The following MLC1 variants were observed in gnomAD, a reference collection of about 807,000 sequenced individuals.
The protein encoded by MLC1 is membrane protein MLC1.
Under a neutral mutation model 44.7 loss-of-function variants are expected in MLC1, and 32 were observed. That is an observed-to-expected ratio of 0.72 (90% CI 0.54 to 0.96). The LOEUF (loss-of-function observed/expected upper bound fraction) is 0.96. MLC1 is among the 40% of genes least tolerant of loss of function. The pLI is 0.00. For synonymous variants in MLC1, 190 were observed against 213.0 expected, an observed-to-expected ratio of 0.89 and a Z score of 0.94; for missense variants, 459 against 492.2, an observed-to-expected ratio of 0.93 and a Z score of 0.64.
chr22:50,068,626 G>A, intron 9 of MLC1, 71 bp from the exon 10 acceptor site: 4 of 1,506,088 alleles, frequency 2.7e-6, no homozygotes, highest in Non-Finnish European at 3.7e-6. Flanking sequence ...CGTGGCCAGG[G>A]CTGGGGGGGC....
At chr22:50,073,130 C>T (rs1053628684) in intron 8 of MLC1, among the ~76,000 whole-genome samples, 5 of 152,104 alleles carry the variant, frequency 3.3e-5, no homozygotes, top group Non-Finnish European at 7.4e-5. Flanking sequence ...TCTCGGCAGT[C>T]CACCTGGCCA....
intron 7 of MLC1, among the ~76,000 whole-genome samples, chr22:50,075,330 G>A (rs945933105): frequency 8.5e-5 from 13 of 152,244 alleles, no homozygotes; most frequent in African/African-American, 3.1e-4. Flanking sequence ...GGCATAAGGA[G>A]TGGGCCAGCA....
In MLC1 at chr22:50,061,386, T is replaced by G; in HGVS notation, c.*197A>C. On this transcript the variant is annotated 3_prime_UTR_variant, in exon 12 of 12. Transcript: ENST00000311597. ...GCCACTCGGAGCTGACTGATCTCAC[T>G]GAGGCACAGACTAGCCAACATTGGC... is the stretch of plus-strand genomic sequence containing the variant. 1.6e-6 allele frequency: 1 copy of G among 633,982 alleles called. No homozygotes were observed. The highest frequency in any genetic ancestry group is 1.8e-5 in the South Asian group (1 of 56,622). The allele number at this position is 633,982 out of a possible 1,614,324, so 39.3% of individuals were successfully genotyped here.
upstream of MLC1, chr22:50,085,663 G>C (rs2146949298): frequency 6.5e-6 from 1 of 152,862 alleles, no homozygotes; most frequent in South Asian, 2.1e-4. Flanking sequence ...ATCCCACCAA[G>C]TACACATTCT....
chr22:50,080,461 T>C, intron 3 of MLC1, 64 bp from the exon 4 acceptor site: 2 of 1,492,954 alleles, frequency 1.3e-6, no homozygotes, highest in Non-Finnish European at 1.8e-6. Flanking sequence ...TCTGAAATAC[T>C]CTAACATTTG....
rs2061558926 is a variant in MLC1 at position 50,061,576 on chromosome 22, C to T, written c.*7G>A. The T allele has an allele frequency of 6.2e-7, 1 of 1,613,438 alleles. No individual in the cohort carries two copies. The highest frequency in any genetic ancestry group is 1.1e-5 in the South Asian group (1 of 91,076). On this transcript the variant is annotated 3_prime_UTR_variant, in exon 12 of 12. Transcript: ENST00000311597. ...GGGCGCTGCCACCCGGTTTCCGCGT[C>T]TGGGGGTCACTGGGCCATTTGCACC...
Position 50,070,601 on chromosome 22 carries a change from G to A in MLC1, c.715-18C>T, listed in dbSNP as rs1195929650. 8 of 1,554,880 alleles carry A rather than the reference G, an allele frequency of 5.1e-6. No individual in the cohort carries two copies. In the East Asian group the frequency reaches 1.4e-4, roughly 28 times the overall value. On this transcript the variant is annotated intron_variant, in intron 8 of 11. Transcript: ENST00000311597. ...GGAAAGCACTAAGAGAAAAGAAAAA[G>A]GAAAGATTTTAGAGGAAATAGTCGA...
chr22:50,074,186 G>A (rs371640846), intron 8 of MLC1, 30 bp downstream of exon 8: 46 of 1,560,006 alleles, frequency 2.9e-5, no homozygotes, highest in Middle Eastern at 1.7e-4. Flanking sequence ...GGCCCAGAGC[G>A]GCGGCGGGCG....
At chr22:50,061,915 G>C (rs561450966) in intron 11 of MLC1, among the ~76,000 whole-genome samples, 2 of 152,188 alleles carry the variant, frequency 1.3e-5, no homozygotes, top group East Asian at 1.9e-4. Context: ...CCCTTCACTC[G>C]GCCCCTTGCC....
chr22:50,074,444 C>CT (rs1850232667), intron 7 of MLC1, 112 bp from the exon 8 acceptor site: 1 of 970,400 alleles, frequency 1.0e-6, no homozygotes, highest in Admixed American at 1.8e-5. Context: ...GGGCTGGCCC[C>CT]AGATCTAACC....
chr22:50,085,141 G>A, intron 1 of MLC1, 180 bp from the exon 2 acceptor site: 1 of 1,393,794 alleles, frequency 7.2e-7, no homozygotes, highest in Non-Finnish European at 9.3e-7. Flanking sequence ...AAACGGACCT[G>A]AATAGTCTGG....
intron 11 of MLC1, among the ~76,000 whole-genome samples, chr22:50,063,757 G>A (rs1457965675): frequency 2.6e-5 from 3 of 113,954 alleles, no homozygotes; most frequent in African/African-American, 9.4e-5. Flanking sequence ...CCACCCCACA[G>A]GCTTCTCACC....
Position 50,083,584 on chromosome 22 carries a change from G to A in MLC1, c.178-411C>T, listed in dbSNP as rs1419218621. The stretch of plus-strand genomic sequence containing the variant: ...AACAACTGCCCATCCCCCTCCGTCT[G>A]CAGAACCTAATTTCCAGATCTGGAA... On this transcript the variant is annotated intron_variant, in intron 2 of 11. Coordinates refer to ENST00000311597, the MANE Select transcript of MLC1 (RefSeq NM_015166.4). This position sits in a 1 kb window ranked among gnomAD's most constrained non-coding sequence, Gnocchi z 4.6. 6.6e-6 allele frequency among the ~76,000 whole-genome samples: 1 copy of A among 152,216 alleles called. No homozygotes were observed. The highest frequency in any genetic ancestry group is 6.5e-5 in the Admixed American group (1 of 15,284).
At chr22:50,069,280 C>A (rs1051689442) in intron 9 of MLC1, among the ~76,000 whole-genome samples, 7 of 151,922 alleles carry the variant, frequency 4.6e-5, no homozygotes, top group Non-Finnish European at 8.8e-5. Flanking sequence ...CCCACCTTGG[C>A]CTCCCAAAGT....
rs2062096103 is a variant in MLC1, at chr22:50,080,518, T to C, written c.268-121A>G. 9 of 1,093,486 alleles carry C rather than the reference T, an allele frequency of 8.2e-6. 1 individual carries two copies. In the South Asian group the frequency reaches 1.2e-4, roughly 15 times the overall value. 67.7% of individuals were successfully genotyped at this position (1,093,486 alleles called of 1,614,324 possible). A position where few individuals can be genotyped will look rare whatever the true frequency, so the allele number is the denominator to read the frequency against. ...CATATTCACAAAACAGTGTTGCCAG[T>C]CCATGCAACACAGTGGGTTGGCTTG... On this transcript the variant is annotated intron_variant, in intron 3 of 11. Transcript: ENST00000311597.
chr22:50,076,470 A>G (rs9628280), intron 7 of MLC1, among the ~76,000 whole-genome samples: 95,512 of 151,700 alleles, frequency 0.63, 30,712 homozygotes, highest in African/African-American at 0.73. Flanking sequence ...CAGGAGAATT[A>G]CTTGAACCTG....
At position 50,080,528 on chromosome 22, in the gene MLC1, A is replaced by C. The variant is rs555034013; in HGVS notation, c.268-131T>G. The C allele has an allele frequency of 4.6e-5, 47 of 1,022,948 alleles. No homozygotes were observed. The Middle Eastern group carries it at 6.0e-4, about 13-fold the overall frequency. The allele number at this position is 1,022,948 out of a possible 1,614,324, so 63.4% of individuals were successfully genotyped here. On this transcript the variant is annotated intron_variant, in intron 3 of 11. Coordinates refer to ENST00000311597, the MANE Select transcript of MLC1 (RefSeq NM_015166.4). ...AAACAGTGTTGCCAGTCCATGCAACACAGTGGGTTGGCTTGACTAGAAGGC... is the reference window on the plus strand; with the variant it reads ...AAACAGTGTTGCCAGTCCATGCAACCCAGTGGGTTGGCTTGACTAGAAGGC...
At chr22:50,067,211 G>A (rs1169491238) in intron 10 of MLC1, among the ~76,000 whole-genome samples, 1 of 152,094 alleles carries the variant, frequency 6.6e-6, no homozygotes, top group Non-Finnish European at 1.5e-5. Context: ...TGGGCCGGGT[G>A]TTGTAGCTCA....
intron 11 of MLC1, among the ~76,000 whole-genome samples, chr22:50,062,167 G>A (rs1201708322): frequency 4.2e-5 from 5 of 118,938 alleles, no homozygotes; most frequent in East Asian, 5.0e-4. Context: ...GGCCCCAGCC[G>A]TCCACCCTAA....
Sources: allele counts gnomAD v4.1 joint callset (sites outside exome capture counted in the v4.1 genomes callset), GRCh38; gene constraint gnomAD v4.1.1; non-coding constraint Gnocchi (gnomAD v3.1); transcripts MANE v1.5; gene names NCBI Gene and HGNC (gene_info 2026-07-23, HGNC 2026-07-21).